GRIA1: variants seen among roughly 807,000 people sequenced by gnomAD.
GRIA1 encodes glutamate ionotropic receptor AMPA type subunit 1.
A neutral mutation model predicts 99.2 loss-of-function variants in GRIA1; 31 were observed. That is an observed-to-expected ratio of 0.31 (90% CI 0.23 to 0.42). GRIA1 has a LOEUF of 0.42. GRIA1 is among the 10% of genes least tolerant of loss of function. The pLI, the probability that GRIA1 is intolerant of heterozygous loss-of-function variation, is 1.00. For missense variants in GRIA1, 782 were observed against 1,157.5 expected, an observed-to-expected ratio of 0.68 and a Z score of 4.71; for synonymous variants, 438 against 432.4, an observed-to-expected ratio of 1.01 and a Z score of -0.16.
chr5:153,513,151 C>G (rs1440346812), intron 2 of GRIA1, among the ~76,000 whole-genome samples: 2 of 152,132 alleles, frequency 1.3e-5, no homozygotes, highest in Non-Finnish European at 2.9e-5. Flanking sequence ...ACTAACACCA[C>G]TGGTAATTAA....
At chr5:153,664,891 C>CA (rs1413678151) in intron 5 of GRIA1, among the ~76,000 whole-genome samples, 3 of 152,162 alleles carry the variant, frequency 2.0e-5, no homozygotes, top group Non-Finnish European at 4.4e-5. Flanking sequence ...GGCTTTTCAT[C>CA]AAAAGATGGG....
At chr5:153,595,683 T>C (rs996991108) in intron 2 of GRIA1, among the ~76,000 whole-genome samples, 1 of 150,322 alleles carries the variant, frequency 6.7e-6, no homozygotes, top group Non-Finnish European at 1.5e-5. Flanking sequence ...GCTCACATTG[T>C]GAAATGCTTT....
At chr5:153,625,959 A>T (rs150735167) in intron 2 of GRIA1, among the ~76,000 whole-genome samples, 156 of 152,306 alleles carry the variant, frequency 1.0e-3, no homozygotes, top group Non-Finnish European at 1.9e-3. Context: ...AAGCTTAGCG[A>T]TCTGGTGCCT....
chr5:153,503,916 G>C (rs1755242230), intron 2 of GRIA1, among the ~76,000 whole-genome samples: 1 of 152,142 alleles, frequency 6.6e-6, no homozygotes, highest in South Asian at 2.1e-4. Flanking sequence ...TTTATGCTTA[G>C]CTTTTCTCTA....
chr5:153,774,069 C>T, intron 13 of GRIA1, among the ~76,000 whole-genome samples: 1 of 72,048 alleles, frequency 1.4e-5, no homozygotes, highest in East Asian at 2.9e-3. Flanking sequence ...ACCCCAACCC[C>T]CCCTCCCCCC....
At position 153,750,710 on chromosome 5, in the gene GRIA1, G is replaced by T. The variant is rs117040173; in HGVS notation, c.1824-13724G>T. On this transcript the variant is annotated intron_variant, in intron 11 of 15. Transcript: ENST00000285900. ...ATCCTGAAGGGCAGAGAGTAACTCT[G>T]CCAGCCACTTTGCTACCTGCTTTAT... is the stretch of plus-strand genomic sequence containing the variant. Among the ~76,000 whole-genome samples, 377 of 152,234 alleles carry T rather than the reference G, an allele frequency of 2.5e-3. 10 individuals carry two copies. In the East Asian group the frequency reaches 0.059, roughly 24 times the overall value.
chr5:153,567,883 A>G (rs1761787518), intron 2 of GRIA1, among the ~76,000 whole-genome samples: 2 of 152,234 alleles, frequency 1.3e-5, no homozygotes, highest in Non-Finnish European at 2.9e-5. Flanking sequence ...TGAAGGATCT[A>G]GTAGACAGTA....
chr5:153,796,705 G>T (rs934757452), intron 14 of GRIA1, among the ~76,000 whole-genome samples: 3 of 152,162 alleles, frequency 2.0e-5, no homozygotes, highest in African/African-American at 7.2e-5. Flanking sequence ...CACTCACTGT[G>T]TGACTCGCCC....
At chr5:153,723,228 T>C (rs1233828577) in intron 11 of GRIA1, among the ~76,000 whole-genome samples, 2 of 152,176 alleles carry the variant, frequency 1.3e-5, no homozygotes, top group East Asian at 1.9e-4. Context: ...GGTTGCATCA[T>C]CATATCGTTA....
At chr5:153,622,589 G>A (rs1561699970) in intron 2 of GRIA1, among the ~76,000 whole-genome samples, 3 of 93,092 alleles carry the variant, frequency 3.2e-5, no homozygotes, top group African/African-American at 6.3e-5. Flanking sequence ...GTTAAACCAC[G>A]CCTATGTGAA....
chr5:153,525,566 C>G (rs1465905383), intron 2 of GRIA1: 1 of 150,906 alleles, frequency 6.6e-6, no homozygotes, highest in African/African-American at 2.4e-5. Flanking sequence ...TGGCCAAGTG[C>G]TGGGCACTGG....
intron 2 of GRIA1, among the ~76,000 whole-genome samples, chr5:153,607,065 A>ATATATATATATATATATATATG (rs1349350277): frequency 2.0e-4 from 29 of 147,432 alleles, no homozygotes; most frequent in African/African-American, 6.7e-4. Flanking sequence ...ATATATATAT[A>ATATATATATATATATATATATG]TATAATCACA....
At chr5:153,517,749 G>A (rs916419763) in intron 2 of GRIA1, among the ~76,000 whole-genome samples, 5 of 152,154 alleles carry the variant, frequency 3.3e-5, no homozygotes, top group Admixed American at 6.5e-5. Flanking sequence ...CCCTCACACT[G>A]TGATCTTTTT....
chr5:153,672,961 A>T (rs1301918296), intron 5 of GRIA1, among the ~76,000 whole-genome samples: 4 of 152,234 alleles, frequency 2.6e-5, no homozygotes, highest in African/African-American at 9.6e-5. Context: ...AAAGTTCTTC[A>T]TGAAGAAGTT....
intron 2 of GRIA1, among the ~76,000 whole-genome samples, chr5:153,609,309 T>C (rs1187567218): frequency 6.6e-6 from 1 of 152,194 alleles, no homozygotes; most frequent in Non-Finnish European, 1.5e-5. Context: ...GATTTGTAAA[T>C]ATTTTGCCCA....
chr5:153,643,779 G>A (rs1408837071), intron 2 of GRIA1, among the ~76,000 whole-genome samples: 1 of 152,214 alleles, frequency 6.6e-6, no homozygotes, highest in East Asian at 1.9e-4. Context: ...TAAGGTAAGA[G>A]ATGTTTGCAG....
At chr5:153,615,300 A>G (rs544707902) in intron 2 of GRIA1, among the ~76,000 whole-genome samples, 3 of 152,352 alleles carry the variant, frequency 2.0e-5, no homozygotes, top group African/African-American at 7.2e-5. Flanking sequence ...ATTTCTTTTC[A>G]TGGAGAGCTC....
chr5:153,637,954 G>GGA (rs1753501143), intron 2 of GRIA1, among the ~76,000 whole-genome samples: 1 of 151,198 alleles, frequency 6.6e-6, no homozygotes, highest in Non-Finnish European at 1.5e-5. Context: ...CCTTCAAGTG[G>GGA]GCTTAAATCT....
intron 2 of GRIA1, among the ~76,000 whole-genome samples, chr5:153,575,205 G>GAGAGAGAC (rs1762428441): frequency 1.3e-5 from 2 of 151,776 alleles, no homozygotes; most frequent in South Asian, 4.2e-4. Context: ...GAAAGAGAGA[G>GAGAGAGAC]AGAGAGAGAG....
Sources: gnomAD v4.1 joint callset for allele counts (sites outside exome capture counted in the v4.1 genomes callset) on GRCh38, gnomAD v4.1.1 for gene constraint, MANE v1.5 for transcripts, NCBI Gene and HGNC (gene_info 2026-07-23, HGNC 2026-07-21) for gene names.